SCYL1: variants seen among roughly 807,000 people sequenced by gnomAD.
SCYL1 encodes the protein N-terminal kinase-like protein.
Under a neutral mutation model 94.8 loss-of-function variants are expected in SCYL1, and 85 were observed. The observed-to-expected ratio is 0.90, with a 90% CI of 0.75 to 1.07. The LOEUF is 1.07. Ranked by LOEUF, SCYL1 falls within the 50% of genes least tolerant of loss-of-function variation. SCYL1 has a pLI of 0.00. For missense variants in SCYL1, 968 were observed against 1,083.3 expected, an observed-to-expected ratio of 0.89 and a Z score of 1.49; for synonymous variants, 459 against 435.5, an observed-to-expected ratio of 1.05 and a Z score of -0.67.
rs1435691328 is a variant in SCYL1 at position 65,538,638 on chromosome 11, G to T, written c.*72G>T. The T allele has an allele frequency of 1.3e-6, 2 of 1,505,364 alleles. No homozygotes were observed. Among genetic ancestry groups the T allele is most frequent in the African/African-American group, 1.4e-5 (1 of 72,486 alleles). 93.3% of individuals were successfully genotyped at this position (1,505,364 alleles called of 1,614,324 possible). A position where few individuals can be genotyped will look rare whatever the true frequency, so the allele number is the denominator to read the frequency against. ...TGTATTTATTGTACAAACCATGTGA[G>T]CCCGGCCGGCCCAGCCAGGCCATCT... is the stretch of plus-strand genomic sequence containing the variant. On this transcript the variant is annotated 3_prime_UTR_variant, in exon 18 of 18. Coordinates refer to ENST00000270176, the MANE Select transcript of SCYL1 (RefSeq NM_020680.4).
chr11:65,535,686 G>A, intron 10 of SCYL1: 1 of 580,856 alleles, frequency 1.7e-6, no homozygotes, highest in Non-Finnish European at 3.0e-6. Context: ...ACGGTCAGCT[G>A]GGCAGGGAGG....
chr11:65,532,574 G>A, intron 8 of SCYL1, 118 bp from the exon 9 acceptor site: 1 of 794,158 alleles, frequency 1.3e-6, no homozygotes, highest in Non-Finnish European at 2.1e-6. Flanking sequence ...GGCTCAGGAG[G>A]TTGACCTGGC....
rs1855636131 is a variant in SCYL1, at chr11:65,536,245, T to C, written c.1576-14T>C. On this transcript the variant is annotated splice_polypyrimidine_tract_variant and intron_variant, in intron 11 of 17. Coordinates refer to ENST00000270176, the MANE Select transcript of SCYL1 (RefSeq NM_020680.4). ...GAACCCCAGAGACCCCAGCTCTGCCTCGTTACCCCACAGGCCTTCAAGGCC... is the reference window on the plus strand; with the variant it reads ...GAACCCCAGAGACCCCAGCTCTGCCCCGTTACCCCACAGGCCTTCAAGGCC... 1.9e-6 allele frequency: 3 copies of C among 1,612,604 alleles called. No homozygotes were observed. The highest frequency in any genetic ancestry group is 2.5e-6 in the Non-Finnish European group (3 of 1,178,756).
In SCYL1 at chr11:65,526,296, A is replaced by C. The variant is rs1463415404; in HGVS notation, c.548A>C (p.Gln183Pro). The C allele has an allele frequency of 6.2e-7, 1 of 1,611,170 alleles. No individual in the cohort carries two copies. The highest frequency in any genetic ancestry group is 8.5e-7 in the Non-Finnish European group (1 of 1,178,542). ...CGCAAGGGGATCCCCGAGCTTGAGC[A>C]GTATGACCCCCCGGAGTTGGCTGAC... ...PPRKGIPELE[Q>P]YDPPELADSS... is the part of the protein sequence containing the mutation. The change falls in exon 4 of 18, where the codon CAG becomes CCG. Residue 183 changes from glutamine to proline, a missense_variant. Transcript: ENST00000270176. The surrounding 1 kb of genome is among the most constrained non-coding windows in gnomAD (Gnocchi z 4.1).
intron 9 of SCYL1, among the ~76,000 whole-genome samples, chr11:65,533,536 T>C (rs148072059): frequency 1.1e-3 from 170 of 152,380 alleles, no homozygotes; most frequent in African/African-American, 4.0e-3. Flanking sequence ...CCCAGCACTT[T>C]GGTAGGCCGA....
Position 65,536,276 on chromosome 11 carries a change from G to A in SCYL1, c.1593G>A (p.Arg531=). Residue 531 remains arginine, a synonymous_variant, in exon 12 of 18, where the codon CGG becomes CGA. Transcript: ENST00000270176. ...CCCCACAGGCCTTCAAGGCCATTCG[G>A]AGCTTCCTGTCCAAATTGGAGTCTG... is the stretch of plus-strand genomic sequence containing the variant. ...SVRDQAFKAI[R]SFLSKLESVS... is the part of the protein sequence containing the mutation. 1.9e-6 allele frequency: 3 copies of A among 1,614,130 alleles called. No individual in the cohort carries two copies. Among genetic ancestry groups the A allele is most frequent in the Non-Finnish European group, 2.5e-6 (3 of 1,179,972 alleles).
rs1167714541 is a variant in SCYL1 at position 65,527,107 on chromosome 11, A to T, written c.839A>T (p.Glu280Val). ...NRFVETNLFL[E>V]EIQIKEPAEK... ...TTTGTAGAAACCAACCTCTTCCTGG[A>T]GGAGATTCAGGTGAGCCCCCAACCC... The change falls in exon 6 of 18, where the codon GAG becomes GTG. Residue 280 changes from glutamate (E) to valine (V), a missense_variant. By Grantham distance (121) the Glu-to-Val change is moderately radical. Transcript: ENST00000270176. 6.2e-7 allele frequency: 1 copy of T among 1,612,970 alleles called. No homozygotes were observed. The highest frequency in any genetic ancestry group is 2.2e-5 in the East Asian group (1 of 44,864).
chr11:65,526,754 G>A lies in SCYL1; in HGVS notation c.603-29G>A. The stretch of plus-strand genomic sequence containing the variant: ...GAGGCCTGTGCAGGTGGTTGGTGGG[G>A]CCCTAAGAGCTCTGGGTCACTGCCA... On this transcript the variant is annotated intron_variant, in intron 4 of 17. Transcript: ENST00000270176. This position sits in a 1 kb window ranked among gnomAD's most constrained non-coding sequence, Gnocchi z 4.1. 6.2e-7 allele frequency: 1 copy of A among 1,600,362 alleles called. No homozygotes were observed. Among genetic ancestry groups the A allele is most frequent in the Non-Finnish European group, 8.5e-7 (1 of 1,172,244 alleles).
At position 65,538,592 on chromosome 11, in the gene SCYL1, G is replaced by T; in HGVS notation, c.*26G>T. 6.2e-7 allele frequency: 1 copy of T among 1,602,828 alleles called. No homozygotes were observed. The highest frequency in any genetic ancestry group is 1.3e-5 in the African/African-American group (1 of 74,882). On this transcript the variant is annotated 3_prime_UTR_variant, in exon 18 of 18. Transcript: ENST00000270176. ...ACCGTGGCGGTGGCCCTTCCCGGCT[G>T]CGGAGAGCCCGCCCCACAGATGTAT...
chr11:65,535,230 A>C lies in SCYL1; in HGVS notation c.1234A>C (p.Met412Leu), dbSNP rs755734478. Residue 412 changes from methionine to leucine, a missense_variant, in exon 10 of 18, where the codon ATG (methionine) becomes CTG (leucine). This residue lies in a region of SCYL1 where 494 missense variants were observed against 619.7 expected (regional missense o/e 0.80). Coordinates refer to ENST00000270176, the MANE Select transcript of SCYL1 (RefSeq NM_020680.4). ...CCCACTCATTTCTGCCCCACAGTCC[A>C]TGCTGCTCCTGGCCCCAAAGCTGAA... ...PAIREQTVKSMLLLAPKLNEA... is the reference protein window; with the variant it reads ...PAIREQTVKSLLLLAPKLNEA... 4 of 1,613,886 alleles carry C rather than the reference A, an allele frequency of 2.5e-6. No individual in the cohort carries two copies. The African/African-American group carries it at 5.3e-5, about 22-fold the overall frequency.
At chr11:65,530,896 C>T (rs1855330033) in intron 7 of SCYL1, 109 bp downstream of exon 7, 1 of 1,223,990 alleles carries the variant, frequency 8.2e-7, no homozygotes, top group Non-Finnish European at 1.1e-6. Flanking sequence ...CCCATATGAG[C>T]AGGAGCTTCC....
chr11:65,531,703 CT>C lies in SCYL1; in HGVS notation c.1116+21del. 6.3e-7 allele frequency: 1 copy of C among 1,579,930 alleles called. No homozygotes were observed. The highest frequency in any genetic ancestry group is 8.7e-7 in the Non-Finnish European group (1 of 1,149,448). On this transcript the variant is annotated intron_variant, in intron 8 of 17. Coordinates refer to ENST00000270176, the MANE Select transcript of SCYL1 (RefSeq NM_020680.4). ...CAGCAGGTGAGGCCTCTGTACCAGA[CT>C]CTGTGGTGGTCCACCCAGACCCCAA...
In SCYL1 at chr11:65,525,259, A is replaced by G; in HGVS notation, c.106A>G (p.Lys36Glu). The change falls in exon 1 of 18, where the codon AAG (lysine) becomes GAG (glutamate). Residue 36 changes from lysine to glutamate, a missense_variant. Coordinates refer to ENST00000270176, the MANE Select transcript of SCYL1 (RefSeq NM_020680.4). ...PGPWALHRGR[K>E]KATGSPVSIF... The stretch of plus-strand genomic sequence containing the variant: ...GCCCTGGGCCCTGCACCGCGGCCGC[A>G]AGAAGGTGAGTGCGGCCGAGCTCCG... 3 of 1,438,806 alleles carry G rather than the reference A, an allele frequency of 2.1e-6. No homozygotes were observed. Among genetic ancestry groups the G allele is most frequent in the Non-Finnish European group, 2.7e-6 (3 of 1,093,538 alleles). The allele number at this position is 1,438,806 out of a possible 1,614,324, so 89.1% of individuals were successfully genotyped here.
Position 65,536,650 on chromosome 11 carries a change from G to A in SCYL1, c.1716G>A (p.Trp572Ter), listed in dbSNP as rs1326552855. Residue 572 changes from tryptophan to a stop codon, truncating the protein, a stop_gained, in exon 13 of 18, where the codon TGG becomes TGA. Transcript: ENST00000270176. LOFTEE classifies it high-confidence loss of function. ...MGGAAASWAG[W>*]AVTGVSSLTS... is the part of the protein sequence containing the mutation. Reference sequence around the variant, plus strand: ...GAGCCGCAGCTAGCTGGGCAGGCTGGGCCGTGACCGGGGTCTCCTCACTCA... The same window carrying A: ...GAGCCGCAGCTAGCTGGGCAGGCTGAGCCGTGACCGGGGTCTCCTCACTCA... The A allele has an allele frequency of 1.2e-6, 2 of 1,614,086 alleles. No homozygotes were observed. The highest frequency in any genetic ancestry group is 1.7e-6 in the Non-Finnish European group (2 of 1,179,982).
rs749239681 is a variant in SCYL1, at chr11:65,526,029, C to T, written c.361C>T (p.Leu121=). ...GAAGGAGCTGGAGATCTCCTGGGGG[C>T]TACACCAGATCGTGGTGAGGTGGGG... ...GLKELEISWG[L]HQIVKALSFL... The change falls in exon 3 of 18, where the codon CTA becomes TTA. Residue 121 remains leucine (L), a synonymous_variant. Coordinates refer to ENST00000270176, the MANE Select transcript of SCYL1 (RefSeq NM_020680.4). The surrounding 1 kb of genome is among the most constrained non-coding windows in gnomAD (Gnocchi z 4.1). The T allele has an allele frequency of 2.5e-6, 4 of 1,612,944 alleles. No individual in the cohort carries two copies. In the Admixed American group the frequency reaches 6.7e-5, roughly 27 times the overall value.
chr11:65,527,117 G>A lies in SCYL1; in HGVS notation c.849G>A (p.Gln283=). The A allele has an allele frequency of 6.2e-7, 1 of 1,612,376 alleles. No individual in the cohort carries two copies. Among genetic ancestry groups the A allele is most frequent in the Non-Finnish European group, 8.5e-7 (1 of 1,179,000 alleles). ...CCAACCTCTTCCTGGAGGAGATTCA[G>A]GTGAGCCCCCAACCCACCCTGGGCT... The part of the protein sequence containing the change: ...VETNLFLEEI[Q]IKEPAEKQKF... The change falls in exon 6 of 18, where the codon CAG becomes CAA. Residue 283 remains glutamine (Q), a splice_region_variant and synonymous_variant. Transcript: ENST00000270176.
chr11:65,536,670 C>T lies in SCYL1; in HGVS notation c.1736C>T (p.Ser579Leu). The T allele has an allele frequency of 6.2e-7, 1 of 1,614,088 alleles. No individual in the cohort carries two copies. The highest frequency in any genetic ancestry group is 8.5e-7 in the Non-Finnish European group (1 of 1,179,958). ...GGCTGGGCCGTGACCGGGGTCTCCT[C>T]ACTCACCTCCAAGCTGATCCGTTCG... ...WAGWAVTGVS[S>L]LTSKLIRSHP... Residue 579 changes from serine to leucine, a missense_variant, in exon 13 of 18, where the codon TCA becomes TTA. This residue lies in a region of SCYL1 where 474 missense variants were observed against 463.6 expected (regional missense o/e 1.02). Coordinates refer to ENST00000270176, the MANE Select transcript of SCYL1 (RefSeq NM_020680.4).
At chr11:65,535,910 A>C in intron 10 of SCYL1, 43 bp from the exon 11 acceptor site, 1 of 1,512,398 alleles carries the variant, frequency 6.6e-7, no homozygotes, top group Non-Finnish European at 8.9e-7. Context: ...GGGTCCCAAC[A>C]TTGACCCTAC....
In SCYL1 at chr11:65,536,682, A is replaced by G. The variant is rs1442312773; in HGVS notation, c.1748A>G (p.Lys583Arg). 3 of 1,614,022 alleles carry G rather than the reference A, an allele frequency of 1.9e-6. No homozygotes were observed. Among genetic ancestry groups the G allele is most frequent in the East Asian group, 4.5e-5 (2 of 44,872 alleles). The change falls in exon 13 of 18, where the codon AAG becomes AGG. Residue 583 changes from lysine (K) to arginine (R), a missense_variant. By Grantham distance (26) the Lys-to-Arg change is conservative (BLOSUM62 2). Transcript: ENST00000270176. ...AVTGVSSLTS[K>R]LIRSHPTTAP... ...ACCGGGGTCTCCTCACTCACCTCCA[A>G]GCTGATCCGTTCGCACCCAACCACT...
Sources: allele counts gnomAD v4.1 joint callset (sites outside exome capture counted in the v4.1 genomes callset), GRCh38; gene constraint gnomAD v4.1.1; regional missense constraint gnomAD v4.1.1; non-coding constraint Gnocchi (gnomAD v3.1); transcripts MANE v1.5; gene names NCBI Gene and HGNC (gene_info 2026-07-23, HGNC 2026-07-21).